The following GALNT10 variants were observed in gnomAD, a reference collection of about 807,000 sequenced individuals.
GALNT10 encodes GalNAc transferase 10.
A neutral mutation model predicts 75.0 loss-of-function variants in GALNT10; 41 were observed. The ratio of observed to expected loss-of-function variants is 0.55; its 90% CI spans 0.43 to 0.71. GALNT10 has a LOEUF of 0.71. Among genes scored for constraint, GALNT10 ranks in the 30% least tolerant of loss-of-function variants. The pLI is 0.00. For synonymous variants in GALNT10, 302 were observed against 313.0 expected (o/e 0.96, Z 0.37); for missense variants, 727 against 818.5 (o/e 0.89, Z 1.36).
At chr5:154,318,246 T>C (rs1317373061) in intron 3 of GALNT10, among the ~76,000 whole-genome samples, 2 of 152,188 alleles carry the variant, frequency 1.3e-5, no homozygotes, top group Non-Finnish European at 2.9e-5. Flanking sequence ...CATTCCCTCA[T>C]TGACATAAAA....
rs1755236994 is a variant in GALNT10 at position 154,353,221 on chromosome 5, G to A, written c.569-23056G>A. Among the ~76,000 whole-genome samples, 4 of 152,252 alleles carry A rather than the reference G, an allele frequency of 2.6e-5. No individual in the cohort carries two copies. In the Middle Eastern group the frequency reaches 0.01, roughly 388 times the overall value. On this transcript the variant is annotated intron_variant, in intron 4 of 11. Coordinates refer to ENST00000297107, the MANE Select transcript of GALNT10 (RefSeq NM_198321.4). ...GGCAGTGGAGTTCAAGGTGAATTCT[G>A]TTTATGTTTTGGGTTGTGGTGGAGC...
At chr5:154,325,582 C>T (rs1273538514) in intron 3 of GALNT10, among the ~76,000 whole-genome samples, 1 of 148,802 alleles carries the variant, frequency 6.7e-6, no homozygotes, top group Non-Finnish European at 1.5e-5. Context: ...GTAAATACAT[C>T]ATATTAATAA....
chr5:154,313,581 G>A (rs1373617202), intron 3 of GALNT10, among the ~76,000 whole-genome samples: 1 of 152,210 alleles, frequency 6.6e-6, no homozygotes, highest in East Asian at 1.9e-4. Flanking sequence ...TAGCAGGTGG[G>A]TTTGGCTGGC....
intron 3 of GALNT10, among the ~76,000 whole-genome samples, chr5:154,312,313 C>T (rs1754533824): frequency 2.0e-5 from 3 of 152,150 alleles, no homozygotes; most frequent in Admixed American, 2.0e-4. Flanking sequence ...AAGCCTCCTT[C>T]TCCACACCTT....
chr5:154,272,166 A>G (rs149329), intron 1 of GALNT10, among the ~76,000 whole-genome samples: 37,125 of 151,888 alleles, frequency 0.24, 5,516 homozygotes, highest in African/African-American at 0.42. Context: ...CCTCCCTGCA[A>G]TTCTTAGGTC....
In GALNT10 at chr5:154,417,003, G is replaced by T. The variant is rs1403380737; in HGVS notation, c.*31G>T. ...CATGTCCCCTTGGCAGGCCCCCCAG[G>T]GTCTGGCACTCACTGCAGACTTCCT... On this transcript the variant is annotated 3_prime_UTR_variant, in exon 12 of 12. Coordinates refer to ENST00000297107, the MANE Select transcript of GALNT10 (RefSeq NM_198321.4). 5 of 1,607,468 alleles carry T rather than the reference G, an allele frequency of 3.1e-6. No individual in the cohort carries two copies. Among genetic ancestry groups the T allele is most frequent in the Admixed American group, 1.7e-5 (1 of 59,888 alleles).
chr5:154,405,665 C>A (rs1286701119), intron 8 of GALNT10, among the ~76,000 whole-genome samples: 1 of 152,052 alleles, frequency 6.6e-6, no homozygotes, highest in Non-Finnish European at 1.5e-5. Flanking sequence ...CTCTGCAGAG[C>A]TGTTGTTGAT....
chr5:154,303,534 C>T (rs1754389505), intron 3 of GALNT10, among the ~76,000 whole-genome samples: 5 of 152,290 alleles, frequency 3.3e-5, no homozygotes, highest in Admixed American at 3.3e-4. Context: ...ATAGTGCTCA[C>T]TCAGGGCCAA....
intron 4 of GALNT10, chr5:154,337,404 T>C: frequency 1.7e-6 from 1 of 598,844 alleles, no homozygotes; most frequent in Admixed American, 2.2e-5. Context: ...TGATATAACC[T>C]GTAGCTTCCC....
rs1282525256 is a variant in GALNT10 at position 154,376,118 on chromosome 5, A to G, written c.569-159A>G. On this transcript the variant is annotated intron_variant, in intron 4 of 11. Coordinates refer to ENST00000297107, the MANE Select transcript of GALNT10 (RefSeq NM_198321.4). This position sits in a 1 kb window ranked among gnomAD's most constrained non-coding sequence, Gnocchi z 4.1. ...CTCCATCTGTAGTACACAGGTGATG[A>G]GAACACTGCCCTTCTTCTCCCTGTC... 6.6e-6 allele frequency among the ~76,000 whole-genome samples: 1 copy of G among 152,184 alleles called. No homozygotes were observed. Among genetic ancestry groups the G allele is most frequent in the Non-Finnish European group, 1.5e-5 (1 of 68,034 alleles).
intron 10 of GALNT10, among the ~76,000 whole-genome samples, chr5:154,413,969 T>A (rs1417652494): frequency 6.6e-6 from 1 of 152,152 alleles, no homozygotes. Context: ...AGTCAATAAT[T>A]TTTTTAATTT....
rs376079219 is a variant in GALNT10, at chr5:154,315,185, GT to G, written c.402-14381del. Among the ~76,000 whole-genome samples, 107 of 152,332 alleles carry G rather than the reference GT, an allele frequency of 7.0e-4. 2 individuals are homozygous for G. In the East Asian group the frequency reaches 0.016, roughly 22 times the overall value. ...TACAACTTTTGGATGCTTACTCTTG[GT>G]TTTTTAATCCAGGGAACAGATTTAG... is the stretch of plus-strand genomic sequence containing the variant. On this transcript the variant is annotated intron_variant, in intron 3 of 11. Coordinates refer to ENST00000297107, the MANE Select transcript of GALNT10 (RefSeq NM_198321.4).
chr5:154,197,422 A>G (rs1774963283), intron 1 of GALNT10, among the ~76,000 whole-genome samples: 1 of 152,124 alleles, frequency 6.6e-6, no homozygotes, highest in Non-Finnish European at 1.5e-5. Context: ...AGGAAGCTAA[A>G]CAATTCTGCT....
chr5:154,263,413 A>G (rs939525526), intron 1 of GALNT10, among the ~76,000 whole-genome samples: 2 of 152,238 alleles, frequency 1.3e-5, no homozygotes, highest in Non-Finnish European at 2.9e-5. Context: ...CACGTATTGC[A>G]TGATTCCATT....
chr5:154,402,277 G>T lies in GALNT10; in HGVS notation c.1057-1827G>T, dbSNP rs187384287. ...CTGCTCCTGCCCTGGCTTTCTTTTTGATTATGCCAAGCTTGGCCCTGCCCT... is the reference window on the plus strand; with the variant it reads ...CTGCTCCTGCCCTGGCTTTCTTTTTTATTATGCCAAGCTTGGCCCTGCCCT... On this transcript the variant is annotated intron_variant, in intron 7 of 11. Transcript: ENST00000297107. This position sits in a 1 kb window ranked among gnomAD's most constrained non-coding sequence, Gnocchi z 4.2. 1.3e-5 allele frequency among the ~76,000 whole-genome samples: 2 copies of T among 152,004 alleles called. No homozygotes were observed. The highest frequency in any genetic ancestry group is 2.9e-5 in the Non-Finnish European group (2 of 67,992).
chr5:154,243,818 A>G (rs895925998), intron 1 of GALNT10, among the ~76,000 whole-genome samples: 1 of 152,252 alleles, frequency 6.6e-6, no homozygotes, highest in Non-Finnish European at 1.5e-5. Context: ...CTTAACACTC[A>G]GAATTCTTCC....
intron 1 of GALNT10, among the ~76,000 whole-genome samples, chr5:154,261,052 G>T (rs1407695438): frequency 6.6e-6 from 1 of 151,934 alleles, no homozygotes; most frequent in African/African-American, 2.4e-5. Flanking sequence ...GTGAAATTGG[G>T]CTGGGGCGGG....
intron 3 of GALNT10, among the ~76,000 whole-genome samples, chr5:154,328,201 C>T (rs144832005): frequency 2.0e-5 from 3 of 152,206 alleles, no homozygotes; most frequent in East Asian, 1.9e-4. Flanking sequence ...TATAGAAAGA[C>T]GTAACATCAG....
chr5:154,252,341 C>T (rs993489136), intron 1 of GALNT10, among the ~76,000 whole-genome samples: 14 of 152,112 alleles, frequency 9.2e-5, no homozygotes, highest in Non-Finnish European at 1.6e-4. Flanking sequence ...TGAAGCTCTA[C>T]CTCTAGTAGA....
Sources: gnomAD v4.1 joint callset for allele counts (sites outside exome capture counted in the v4.1 genomes callset) on GRCh38, gnomAD v4.1.1 for gene constraint, Gnocchi (gnomAD v3.1) non-coding constraint, MANE v1.5 for transcripts, NCBI Gene and HGNC (gene_info 2026-07-23, HGNC 2026-07-21) for gene names.